KRT31: variants seen among roughly 807,000 people sequenced by gnomAD.
KRT31 encodes the protein keratin, type I cuticular Ha1.
KRT31 carries 27 observed loss-of-function variants against 40.8 expected under a neutral mutation model. The observed-to-expected ratio is 0.66, with a 90% CI of 0.49 to 0.91. KRT31 has a LOEUF of 0.91. Ranked by LOEUF, KRT31 falls within the 40% of genes least tolerant of loss-of-function variation. The probability of loss-of-function intolerance (pLI) is 0.00; values close to 1 mark genes in which losing one functional copy is unlikely to be tolerated. For synonymous variants in KRT31, 231 were observed against 231.9 expected, an observed-to-expected ratio of 1.00 and a Z score of 0.03; for missense variants, 510 against 544.1, an observed-to-expected ratio of 0.94 and a Z score of 0.62.
chr17:41,394,822 T>C (rs1248217165), intron 6 of KRT31, 26 bp downstream of exon 6: 2 of 1,612,396 alleles, frequency 1.2e-6, no homozygotes, highest in Admixed American at 3.3e-5. Flanking sequence ...CATCATTTCA[T>C]CAAACACGTC....
intron 6 of KRT31, 134 bp from the exon 7 acceptor site, chr17:41,394,303 C>T: frequency 1.2e-6 from 1 of 847,652 alleles, no homozygotes; most frequent in South Asian, 1.6e-5. Context: ...GCACAGACTC[C>T]CCTGCTACAA....
rs201426405 is a variant in KRT31, at chr17:41,395,074, G to A, written c.877-6C>T. 6 of 1,614,014 alleles carry A rather than the reference G, an allele frequency of 3.7e-6. No homozygotes were observed. The highest frequency in any genetic ancestry group is 5.1e-6 in the Non-Finnish European group (6 of 1,179,970). ...GTGTTTTCCAGAGAGTCTCGCTGTG[G>A]TGGAGAAGATTGGGAATGTCAGAGA... On this transcript the variant is annotated splice_region_variant and splice_polypyrimidine_tract_variant and intron_variant, in intron 5 of 6. Coordinates refer to ENST00000251645, the MANE Select transcript of KRT31 (RefSeq NM_002277.3).
At chr17:41,395,402 C>T in intron 4 of KRT31, 32 bp from the exon 5 acceptor site, 1 of 1,614,048 alleles carries the variant, frequency 6.2e-7, no homozygotes, top group Non-Finnish European at 8.5e-7. Context: ...AGGATCAGAC[C>T]CTGCCTCCGG....
At position 41,394,955 on chromosome 17, in the gene KRT31, A is replaced by T; in HGVS notation, c.990T>A (p.Ser330Arg). Residue 330 changes from serine (S) to arginine (R), a missense_variant, in exon 6 of 7, where the codon AGT becomes AGA. Transcript: ENST00000251645. ...NVESQLAEIRSDLERQNQEYQ... is the reference protein window; with the variant it reads ...NVESQLAEIRRDLERQNQEYQ... ...ACTCCTGGTTCTGCCGCTCCAGGTC[A>T]CTGCGGATCTCCGCCAGCTGGGACT... The T allele has an allele frequency of 6.2e-7, 1 of 1,614,224 alleles. No homozygotes were observed. The highest frequency in any genetic ancestry group is 1.1e-5 in the South Asian group (1 of 91,090).
rs372124501 is a variant in KRT31, at chr17:41,395,193, A to T, written c.876+52T>A. 2.1e-4 allele frequency: 340 copies of T among 1,611,548 alleles called. 1 individual carries two copies. The African/African-American group carries it at 4.2e-3, about 20-fold the overall frequency. On this transcript the variant is annotated intron_variant, in intron 5 of 6. Coordinates refer to ENST00000251645, the MANE Select transcript of KRT31 (RefSeq NM_002277.3). Reference sequence around the variant, plus strand: ...GTGTGGCCCCAAGCACATCCCCGGGACTCTGCCTCCCAAGTTCCCGTCGCT... The same window carrying T: ...GTGTGGCCCCAAGCACATCCCCGGGTCTCTGCCTCCCAAGTTCCCGTCGCT...
At position 41,394,908 on chromosome 17, in the gene KRT31, C is replaced by T. The variant is rs1405068784; in HGVS notation, c.1037G>A (p.Arg346His). ...GTTGATCTCACACTCCAGCCGGGCA[C>T]GCACATCCAGCAGCACCTGGTACTC... ...NQEYQVLLDV[R>H]ARLECEINTY... The change falls in exon 6 of 7, where the codon CGT (arginine) becomes CAT (histidine). Residue 346 changes from arginine (R) to histidine (H), a missense_variant. Coordinates refer to ENST00000251645, the MANE Select transcript of KRT31 (RefSeq NM_002277.3). 7 of 1,613,768 alleles carry T rather than the reference C, an allele frequency of 4.3e-6. No individual in the cohort carries two copies. Among genetic ancestry groups the T allele is most frequent in the South Asian group, 1.1e-5 (1 of 91,058 alleles).
Position 41,393,972 on chromosome 17 carries a change from A to G in KRT31, c.*44T>C. The G allele has an allele frequency of 6.3e-7, 1 of 1,593,448 alleles. No homozygotes were observed. The highest frequency in any genetic ancestry group is 8.5e-7 in the Non-Finnish European group (1 of 1,173,154). ...AACCAGAGCCAGGTCACAGCTCTGG[A>G]GTCCTGGGCCCTGCATCCTTGCTCC... On this transcript the variant is annotated 3_prime_UTR_variant, in exon 7 of 7. Transcript: ENST00000251645.
Position 41,394,061 on chromosome 17 carries a change from A to C in KRT31, c.1206T>G (p.Cys402Trp). Residue 402 changes from cysteine to tryptophan, a missense_variant, in exon 7 of 7, where the codon TGT becomes TGG. Physicochemically the swap from Cys to Trp is radical, Grantham distance 215 (BLOSUM62 -2). Transcript: ENST00000251645. ...SCVPPAPCTP[C>W]APRPRCGPCN... ...AGGGCCCACAGCGGGGGCGTGGGGC[A>C]CAGGGTGTGCAGGGGGCAGGAGGGA... The C allele has an allele frequency of 6.2e-7, 1 of 1,613,684 alleles. No homozygotes were observed.
At chr17:41,395,981 G>C (rs2018218977) in intron 3 of KRT31, among the ~76,000 whole-genome samples, 1 of 152,126 alleles carries the variant, frequency 6.6e-6, no homozygotes, top group Admixed American at 6.5e-5. Flanking sequence ...TCAAGTAAGA[G>C]GTAAGAGCAT....
At position 41,394,132 on chromosome 17, in the gene KRT31, T is replaced by C; in HGVS notation, c.1135A>G (p.Ser379Gly). The change falls in exon 7 of 7, where the codon AGC becomes GGC. Residue 379 changes from serine to glycine, a missense_variant. Ser to Gly is a moderately conservative substitution (Grantham distance 56, BLOSUM62 0). Coordinates refer to ENST00000251645, the MANE Select transcript of KRT31 (RefSeq NM_002277.3). ...SNPCATTNAC[S>G]KPIGPCLSNP... ...GAGAGACAGGGTCCGATGGGCTTGC[T>C]GCACGCGTTGGTCGTGGCACAGGGA... The C allele has an allele frequency of 6.2e-7, 1 of 1,612,456 alleles. No individual in the cohort carries two copies. Among genetic ancestry groups the C allele is most frequent in the Non-Finnish European group, 8.5e-7 (1 of 1,179,356 alleles).
Position 41,395,079 on chromosome 17 carries a change from G to A in KRT31, c.877-11C>T. On this transcript the variant is annotated splice_polypyrimidine_tract_variant and intron_variant, in intron 5 of 6. Coordinates refer to ENST00000251645, the MANE Select transcript of KRT31 (RefSeq NM_002277.3). ...TTCCAGAGAGTCTCGCTGTGGTGGA[G>A]AAGATTGGGAATGTCAGAGAGCTGC... 2 of 1,614,000 alleles carry A rather than the reference G, an allele frequency of 1.2e-6. No homozygotes were observed. Among genetic ancestry groups the A allele is most frequent in the Non-Finnish European group, 1.7e-6 (2 of 1,179,848 alleles).
Position 41,396,566 on chromosome 17 carries a change from C to A in KRT31, c.442G>T (p.Glu148Ter), listed in dbSNP as rs778868618. ...TCCACCAGCTGCCGCAGGGACAGCT[C>A]GGTCTGGTACCTGCGCAAGGACAGG... Reference protein sequence around the residue: ...ADDFRTKYQTELSLRQLVESD... With the variant: ...ADDFRTKYQT Residue 148 changes from glutamate to a stop codon, truncating the protein, a stop_gained, in exon 3 of 7, where the codon GAG (glutamate) becomes TAG (stop). Coordinates refer to ENST00000251645, the MANE Select transcript of KRT31 (RefSeq NM_002277.3). LOFTEE classifies it high-confidence loss of function. 5 of 1,613,864 alleles carry A rather than the reference C, an allele frequency of 3.1e-6. No individual in the cohort carries two copies. Among genetic ancestry groups the A allele is most frequent in the Admixed American group, 1.7e-5 (1 of 60,006 alleles).
chr17:41,394,741 G>A (rs1055586086), intron 6 of KRT31, 107 bp downstream of exon 6: 1 of 1,553,300 alleles, frequency 6.4e-7, no homozygotes, highest in Non-Finnish European at 8.7e-7. Context: ...AGCATGTCTA[G>A]TGTGAAGGCA....
Position 41,396,516 on chromosome 17 carries a change from C to T in KRT31, c.492G>A (p.Arg164=). 1.2e-6 allele frequency: 2 copies of T among 1,614,212 alleles called. No homozygotes were observed. Among genetic ancestry groups the T allele is most frequent in the Non-Finnish European group, 1.7e-6 (2 of 1,180,034 alleles). ...LVESDINGLR[R]ILDELTLCKS... is the part of the protein sequence containing the mutation. ...TGCACAGGGTCAGCTCATCCAGGAT[C>T]CTGCGCAGACCGTTGATGTCCGACT... Residue 164 remains arginine (R), a synonymous_variant, in exon 3 of 7, where the codon AGG becomes AGA. Coordinates refer to ENST00000251645, the MANE Select transcript of KRT31 (RefSeq NM_002277.3).
rs759685551 is a variant in KRT31, at chr17:41,394,904, G to C, written c.1041C>G (p.Ala347=). The change falls in exon 6 of 7, where the codon GCC becomes GCG. Residue 347 remains alanine (A), a synonymous_variant. Coordinates refer to ENST00000251645, the MANE Select transcript of KRT31 (RefSeq NM_002277.3). ...ATGTGTTGATCTCACACTCCAGCCGGGCACGCACATCCAGCAGCACCTGGT... is the reference window on the plus strand; with the variant it reads ...ATGTGTTGATCTCACACTCCAGCCGCGCACGCACATCCAGCAGCACCTGGT... The part of the protein sequence containing the change: ...QEYQVLLDVR[A]RLECEINTYR... The C allele has an allele frequency of 1.1e-5, 18 of 1,613,466 alleles. No individual in the cohort carries two copies. Among genetic ancestry groups the C allele is most frequent in the South Asian group, 3.3e-5 (3 of 91,056 alleles).
intron 6 of KRT31, 67 bp downstream of exon 6, chr17:41,394,781 G>T: frequency 1.9e-6 from 3 of 1,594,444 alleles, no homozygotes; most frequent in Non-Finnish European, 1.7e-6. Context: ...TGCAATATTT[G>T]CATGGTGTCT....
chr17:41,397,602 G>T lies in KRT31; in HGVS notation c.-63C>A. 3.3e-6 allele frequency: 5 copies of T among 1,523,068 alleles called. No individual in the cohort carries two copies. In the South Asian group the frequency reaches 6.4e-5, roughly 19 times the overall value. The allele number at this position is 1,523,068 out of a possible 1,614,324, so 94.3% of individuals were successfully genotyped here. On this transcript the variant is annotated 5_prime_UTR_variant, in exon 1 of 7. In the 5' UTR this introduces an upstream ATG that the reference lacks. Transcript: ENST00000251645. ...CAGAGTCTAAATTCTCCAAGCCACA[G>T]AGCTGTGGGTCTCCTTCCTCTAGGG... is the stretch of plus-strand genomic sequence containing the variant.
intron 1 of KRT31, 90 bp downstream of exon 1, chr17:41,397,102 T>A: frequency 6.3e-7 from 1 of 1,581,450 alleles, no homozygotes; most frequent in Non-Finnish European, 8.7e-7. Context: ...GCAAGAATTA[T>A]GACAGCACAG....
chr17:41,394,201 G>A, intron 6 of KRT31, 32 bp from the exon 7 acceptor site: 1 of 1,607,348 alleles, frequency 6.2e-7, no homozygotes, highest in Non-Finnish European at 8.5e-7. Flanking sequence ...GGAAAAGTGA[G>A]TTAAGGGCAA....
Sources: allele counts gnomAD v4.1 joint callset (sites outside exome capture counted in the v4.1 genomes callset), GRCh38; gene constraint gnomAD v4.1.1; transcripts MANE v1.5; gene names NCBI Gene and HGNC (gene_info 2026-07-23, HGNC 2026-07-21).